The following SMCO2 variants were observed in gnomAD, a reference collection of about 807,000 sequenced individuals.
The protein encoded by SMCO2 is single-pass membrane and coiled-coil domain-containing protein 2.
A neutral mutation model predicts 29.5 loss-of-function variants in SMCO2; 25 were observed. The observed-to-expected ratio is 0.85, with a 90% CI of 0.62 to 1.18. SMCO2 has a LOEUF of 1.18. SMCO2 is among the 50% of genes most tolerant of loss of function. The probability of loss-of-function intolerance (pLI) is 0.00; values close to 1 mark genes in which losing one functional copy is unlikely to be tolerated. For synonymous variants in SMCO2, 117 were observed against 123.3 expected, an observed-to-expected ratio of 0.95 and a Z score of 0.34; for missense variants, 348 against 344.5, an observed-to-expected ratio of 1.01 and a Z score of -0.08.
At chr12:27,436,940 A>G in the SMCO2 span, among the ~76,000 whole-genome samples, 2 of 152,352 alleles carry the variant, frequency 1.3e-5, no homozygotes, top group East Asian at 3.9e-4. Flanking sequence ...TGCCCTTACA[A>G]AAGATGACTA....
chr12:27,461,720 A>G, the SMCO2 span, among the ~76,000 whole-genome samples: 1 of 152,248 alleles, frequency 6.6e-6, no homozygotes, highest in Non-Finnish European at 1.5e-5. Context: ...TTTGTCAGAC[A>G]AACTTTCTTT....
At chr12:27,446,732 A>G in the SMCO2 span, 1 of 151,950 alleles carries the variant, frequency 6.6e-6, no homozygotes, top group Non-Finnish European at 1.5e-5. Context: ...TCTCCCTCTA[A>G]TCCAGTGGTT....
At chr12:27,501,426 A>ACAAAC (rs1367503173) in intron 7 of SMCO2, among the ~76,000 whole-genome samples, 1 of 143,320 alleles carries the variant, frequency 7.0e-6, no homozygotes, top group Non-Finnish European at 1.5e-5. Flanking sequence ...AAAAAAAAAA[A>ACAAAC]AAAAAAAAAA....
At chr12:27,453,094 G>C in the SMCO2 span, among the ~76,000 whole-genome samples, 5 of 152,160 alleles carry the variant, frequency 3.3e-5, no homozygotes, top group African/African-American at 7.2e-5. Context: ...GGAGACATCT[G>C]TAGATTGGCC....
the SMCO2 span, among the ~76,000 whole-genome samples, chr12:27,452,567 G>A: frequency 6.6e-6 from 1 of 152,150 alleles, no homozygotes; most frequent in African/African-American, 2.4e-5. Context: ...ATGGCTTACT[G>A]CAGCCTTGAC....
At chr12:27,481,993 T>C (rs1404784722) in intron 4 of SMCO2, among the ~76,000 whole-genome samples, 1 of 151,458 alleles carries the variant, frequency 6.6e-6, no homozygotes, top group Non-Finnish European at 1.5e-5. Flanking sequence ...TTTTTGAAAA[T>C]TTTCATTTGA....
chr12:27,433,989 C>G, the SMCO2 span, among the ~76,000 whole-genome samples: 1 of 152,186 alleles, frequency 6.6e-6, no homozygotes, highest in African/African-American at 2.4e-5. Flanking sequence ...CACTGCAACT[C>G]CCACCTCCCT....
chr12:27,483,157 C>A (rs541042383), intron 4 of SMCO2, among the ~76,000 whole-genome samples: 15 of 152,260 alleles, frequency 9.9e-5, no homozygotes, highest in Admixed American at 3.9e-4. Context: ...CTACAAATAT[C>A]AATCAGGTCA....
chr12:27,495,902 A>T (rs1331143810), intron 7 of SMCO2, 47 bp downstream of exon 8: 8 of 1,344,056 alleles, frequency 6.0e-6, no homozygotes, highest in Non-Finnish European at 7.8e-6. Context: ...CTGCCCCAAA[A>T]TGTATGGATT....
the SMCO2 span, among the ~76,000 whole-genome samples, chr12:27,456,183 C>G: frequency 6.6e-6 from 1 of 152,184 alleles, no homozygotes; most frequent in Admixed American, 6.5e-5. Context: ...CCTTTGCACT[C>G]CAGCCTGGGC....
At chr12:27,435,605 A>G in the SMCO2 span, among the ~76,000 whole-genome samples, 6 of 105,930 alleles carry the variant, frequency 5.7e-5, no homozygotes, top group African/African-American at 1.9e-4. Context: ...TCTCTCTCTC[A>G]CTCTTCTTCT....
the SMCO2 span, among the ~76,000 whole-genome samples, chr12:27,442,769 C>T: frequency 6.6e-6 from 1 of 152,102 alleles, no homozygotes; most frequent in Non-Finnish European, 1.5e-5. Flanking sequence ...TACAGGCATG[C>T]GCCACAACAC....
At chr12:27,451,974 G>C in the SMCO2 span, among the ~76,000 whole-genome samples, 22 of 152,152 alleles carry the variant, frequency 1.4e-4, no homozygotes, top group Non-Finnish European at 2.9e-4. Context: ...CCTCTCTGCA[G>C]GGAATATCTG....
intron 4 of SMCO2, among the ~76,000 whole-genome samples, chr12:27,480,604 T>C (rs995402739): frequency 3.9e-5 from 6 of 152,144 alleles, no homozygotes. Context: ...CAGGGGCAGA[T>C]CCCTCATGAA....
intron 6 of SMCO2, 29 bp from the exon 8 acceptor site, chr12:27,495,651 T>A: frequency 7.0e-7 from 1 of 1,431,558 alleles, no homozygotes; most frequent in Non-Finnish European, 9.3e-7. Flanking sequence ...AGAATTTTTT[T>A]AAGGTACTTG....
intron 4 of SMCO2, among the ~76,000 whole-genome samples, chr12:27,481,104 C>G (rs1047188150): frequency 2.0e-5 from 3 of 152,098 alleles, no homozygotes; most frequent in African/African-American, 7.2e-5. Context: ...TCTGGGTGCA[C>G]GTAGAGGGAT....
At chr12:27,479,919 C>T (rs542027707) in intron 4 of SMCO2, among the ~76,000 whole-genome samples, 14 of 152,288 alleles carry the variant, frequency 9.2e-5, no homozygotes, top group Non-Finnish European at 1.5e-4. Flanking sequence ...TAGACTAATA[C>T]ACATGGTGAA....
At chr12:27,478,909 G>C (rs1190070785) in intron 4 of SMCO2, among the ~76,000 whole-genome samples, 1 of 152,098 alleles carries the variant, frequency 6.6e-6, no homozygotes, top group East Asian at 1.9e-4. Context: ...GCTATTGATG[G>C]TGGCAGTGGC....
At chr12:27,502,001 T>G in exon 8 of SMCO2, 1 of 1,548,266 alleles carries the variant, frequency 6.5e-7, no homozygotes, top group Non-Finnish European at 8.7e-7. Context: ...TATTTTTTGG[T>G]GCTACATTTC....
Sources: gnomAD v4.1 joint callset for allele counts (sites outside exome capture counted in the v4.1 genomes callset) on GRCh38, gnomAD v4.1.1 for gene constraint, MANE v1.5 for transcripts, NCBI Gene and HGNC (gene_info 2026-07-23, HGNC 2026-07-21) for gene names.